GOLGA4: variants seen among roughly 807,000 people sequenced by gnomAD.
GOLGA4 encodes the protein golgin subfamily A member 4.
GOLGA4 carries 169 observed loss-of-function variants against 265.9 expected under a neutral mutation model. The observed-to-expected ratio is 0.64, with a 90% CI of 0.56 to 0.72. The LOEUF is 0.72. Among genes scored for constraint, GOLGA4 ranks in the 30% least tolerant of loss-of-function variants. The pLI, the probability that GOLGA4 is intolerant of heterozygous loss-of-function variation, is 0.00. For synonymous variants in GOLGA4, 923 were observed against 855.8 expected (o/e 1.08, Z -1.37); for missense variants, 2,482 against 2,483.4 (o/e 1.00, Z 0.01).
chr3:37,358,558 G>C (rs2097096255), intron 22 of GOLGA4, among the ~76,000 whole-genome samples: 1 of 152,162 alleles, frequency 6.6e-6, no homozygotes, highest in Admixed American at 6.5e-5. Context: ...GCAATTCTCA[G>C]AGCCTCTTTT....
At chr3:37,285,723 C>T (rs940272798) in intron 3 of GOLGA4, among the ~76,000 whole-genome samples, 2 of 152,246 alleles carry the variant, frequency 1.3e-5, no homozygotes, top group African/African-American at 4.8e-5. Context: ...GAGTAGCCTC[C>T]TGCCTTTAGG....
intron 2 of GOLGA4, among the ~76,000 whole-genome samples, chr3:37,252,823 T>A (rs1231072136): frequency 1.3e-5 from 2 of 152,230 alleles, no homozygotes; most frequent in Admixed American, 6.5e-5. Context: ...TATCTTTTTT[T>A]AAAACTGATT....
intron 1 of GOLGA4, chr3:37,250,180 G>A (rs956287319): frequency 7.9e-5 from 12 of 152,256 alleles, no homozygotes; most frequent in Middle Eastern, 3.4e-3. Context: ...TTAAACTGCT[G>A]CTTTGATTTG....
chr3:37,244,188 T>A (rs1175396187), intron 1 of GOLGA4: 1 of 152,352 alleles, frequency 6.6e-6, no homozygotes, highest in East Asian at 1.9e-4. Flanking sequence ...GTAGGAGCGG[T>A]GGGACCTGAA....
intron 21 of GOLGA4, among the ~76,000 whole-genome samples, chr3:37,352,638 C>T (rs952310496): frequency 2.0e-5 from 3 of 152,038 alleles, no homozygotes; most frequent in East Asian, 1.9e-4. Flanking sequence ...TGTCACTTCC[C>T]TCAGCCTTCA....
chr3:37,311,139 A>G (rs926860510), intron 10 of GOLGA4, among the ~76,000 whole-genome samples: 2 of 152,156 alleles, frequency 1.3e-5, no homozygotes, highest in Non-Finnish European at 2.9e-5. Flanking sequence ...CTCTCAGTAT[A>G]TCCTCTTTAA....
At position 37,333,472 on chromosome 3, in the gene GOLGA4, C is replaced by T. The variant is rs182592718; in HGVS notation, c.6193-1581C>T. Among the ~76,000 whole-genome samples the T allele has an allele frequency of 2.1e-3, 326 of 152,070 alleles. 5 individuals carry two copies. Among genetic ancestry groups the T allele is most frequent in the Non-Finnish European group, 5.6e-4 (38 of 67,984 alleles). ...AATTAGAAATGACACATCAAAGATT[C>T]TTTTCTAATTATTGGGGGGGCTTGC... On this transcript the variant is annotated intron_variant, in intron 16 of 23. Coordinates refer to ENST00000361924, the MANE Select transcript of GOLGA4 (RefSeq NM_002078.5).
chr3:37,365,362 G>T (rs1309941133), intron 23 of GOLGA4, among the ~76,000 whole-genome samples: 2 of 152,038 alleles, frequency 1.3e-5, no homozygotes, highest in Non-Finnish European at 2.9e-5. Context: ...TCCGCCTCCT[G>T]AGTTCAAGTG....
intron 3 of GOLGA4, among the ~76,000 whole-genome samples, chr3:37,284,796 G>C (rs927233924): frequency 6.6e-6 from 1 of 151,806 alleles, no homozygotes; most frequent in Non-Finnish European, 1.5e-5. Context: ...CTCCTGAGTA[G>C]CTGGGACCAC....
chr3:37,306,741 A>C (rs2096907583), intron 10 of GOLGA4, among the ~76,000 whole-genome samples: 1 of 151,992 alleles, frequency 6.6e-6, no homozygotes, highest in Admixed American at 6.6e-5. Context: ...TGTTATTGAC[A>C]CTTTTACGTG....
intron 10 of GOLGA4, among the ~76,000 whole-genome samples, chr3:37,309,019 G>A (rs2096915365): frequency 6.6e-6 from 1 of 151,966 alleles, no homozygotes; most frequent in African/African-American, 2.4e-5. Flanking sequence ...GGGAGGCCGA[G>A]GTGGGTGGAT....
rs546302513 is a variant in GOLGA4, at chr3:37,255,295, G to A, written c.162+3811G>A. Among the ~76,000 whole-genome samples, 354 of 152,194 alleles carry A rather than the reference G, an allele frequency of 2.3e-3. 4 individuals carry two copies. Among genetic ancestry groups the A allele is most frequent in the South Asian group, 5.8e-3 (28 of 4,828 alleles). On this transcript the variant is annotated intron_variant, in intron 2 of 23. Coordinates refer to ENST00000361924, the MANE Select transcript of GOLGA4 (RefSeq NM_002078.5). ...CCCTGCCTCAACCTCCCGAGTAACT[G>A]GGATTACAGGCACCCACCACCATGC...
At chr3:37,365,925 AC>A (rs940799239) in intron 23 of GOLGA4, among the ~76,000 whole-genome samples, 154 bp from the exon 24 acceptor site, 25 of 151,686 alleles carry the variant, frequency 1.6e-4, no homozygotes. Flanking sequence ...GAGCTACCAC[AC>A]CCAGCCTTAT....
At chr3:37,357,146 A>G (rs775912357) in intron 22 of GOLGA4, among the ~76,000 whole-genome samples, 19 of 152,204 alleles carry the variant, frequency 1.2e-4, no homozygotes, top group Non-Finnish European at 1.9e-4. Context: ...TCCTGAATAC[A>G]GTGGTATTCA....
intron 21 of GOLGA4, among the ~76,000 whole-genome samples, chr3:37,351,279 G>A (rs2151056050): frequency 6.6e-6 from 1 of 152,248 alleles, no homozygotes; most frequent in East Asian, 1.9e-4. Flanking sequence ...TCATGAGATT[G>A]CAGCAATCCA....
chr3:37,329,165 T>C, intron 16 of GOLGA4, 72 bp downstream of exon 16: 1 of 1,296,586 alleles, frequency 7.7e-7, no homozygotes, highest in Admixed American at 2.6e-5. Flanking sequence ...TGCCAAAGAT[T>C]TCCTTTTCAA....
intron 2 of GOLGA4, among the ~76,000 whole-genome samples, chr3:37,272,099 T>C (rs781120772): frequency 9.9e-5 from 15 of 152,106 alleles, no homozygotes; most frequent in Non-Finnish European, 1.9e-4. Context: ...TGAATAATTA[T>C]TTATTATATA....
chr3:37,331,673 C>G (rs1455998369), intron 16 of GOLGA4, among the ~76,000 whole-genome samples: 3 of 152,078 alleles, frequency 2.0e-5, no homozygotes, highest in African/African-American at 7.2e-5. Context: ...ATTTTTGTCA[C>G]CTATTAAAAT....
At chr3:37,321,569 C>T in intron 12 of GOLGA4, 162 bp from the exon 13 acceptor site, 1 of 609,812 alleles carries the variant, frequency 1.6e-6, no homozygotes, top group Non-Finnish European at 2.8e-6. Context: ...GCCATAGTGC[C>T]TTGTTTCTGC....
Sources: allele counts gnomAD v4.1 joint callset (sites outside exome capture counted in the v4.1 genomes callset), GRCh38; gene constraint gnomAD v4.1.1; transcripts MANE v1.5; gene names NCBI Gene and HGNC (gene_info 2026-07-23, HGNC 2026-07-21).